NKAPD1: variants seen among roughly 807,000 people sequenced by gnomAD.
The protein encoded by NKAPD1 is uncharacterized protein NKAPD1.
In NKAPD1, 12 loss-of-function variants were observed where a neutral mutation model predicts 30.9. The observed-to-expected ratio is 0.39, with a 90% CI of 0.25 to 0.63. NKAPD1 has a LOEUF of 0.63. Among genes scored for constraint, NKAPD1 ranks in the 20% least tolerant of loss-of-function variants. NKAPD1 has a pLI of 0.51. For synonymous variants in NKAPD1, 91 were observed against 113.6 expected (o/e 0.80, Z 1.26); for missense variants, 311 against 344.5 (o/e 0.90, Z 0.77).
rs1445099122 is a variant in NKAPD1 at position 112,080,741 on chromosome 11, G to T, written c.320+183G>T. 3 of 601,728 alleles carry T rather than the reference G, an allele frequency of 5.0e-6. No homozygotes were observed. The African/African-American group carries it at 5.6e-5, about 11-fold the overall frequency. 37.3% of individuals were successfully genotyped at this position (601,728 alleles called of 1,614,324 possible). A position where few individuals can be genotyped will look rare whatever the true frequency, so the allele number is the denominator to read the frequency against. ...ACTGATGAATGGGTAAACAAAATGCGATATATCCATACAATGGAATATTAT... is the reference window on the plus strand; with the variant it reads ...ACTGATGAATGGGTAAACAAAATGCTATATATCCATACAATGGAATATTAT... On this transcript the variant is annotated intron_variant, in intron 4 of 5. Transcript: ENST00000393047.
intron 3 of NKAPD1, 118 bp from the exon 4 acceptor site, chr11:112,080,290 AC>A: frequency 9.0e-6 from 8 of 888,770 alleles, no homozygotes; most frequent in South Asian, 3.3e-5. Flanking sequence ...TTTTTTTTAA[AC>A]AGTATCATGT....
intron 2 of NKAPD1, among the ~76,000 whole-genome samples, chr11:112,077,384 ATTATT>A (rs779088328): frequency 3.3e-5 from 5 of 152,190 alleles, no homozygotes; most frequent in Admixed American, 6.5e-5. Flanking sequence ...AGCCATACTG[ATTATT>A]TTATTTTATT....
At chr11:112,082,350 G>T (rs966040409) in intron 5 of NKAPD1, 115 bp from the exon 6 acceptor site, 2 of 888,018 alleles carry the variant, frequency 2.3e-6, no homozygotes, top group Non-Finnish European at 3.3e-6. Context: ...ATACATTAAA[G>T]TGCTTATTTA....
In NKAPD1 at chr11:112,075,907, A is replaced by C. The variant is rs148500636; in HGVS notation, c.69+264A>C. 3.8e-3 allele frequency among the ~76,000 whole-genome samples: 582 copies of C among 152,368 alleles called. 2 individuals are homozygous for C. The highest frequency in any genetic ancestry group is 0.013 in the African/African-American group (534 of 41,584). On this transcript the variant is annotated intron_variant, in intron 2 of 5. Transcript: ENST00000393047. The stretch of plus-strand genomic sequence containing the variant: ...AATCTACACTGGGGAATTAGAAAAG[A>C]TTTTACAGAATTAGTGGTATTTCAG...
chr11:112,078,838 C>G (rs1277048584), intron 3 of NKAPD1, among the ~76,000 whole-genome samples: 3 of 152,200 alleles, frequency 2.0e-5, no homozygotes, highest in Non-Finnish European at 4.4e-5. Flanking sequence ...GCATGAGCCA[C>G]TTGCCTGGCC....
intron 5 of NKAPD1, 140 bp from the exon 6 acceptor site, chr11:112,082,325 T>TTA (rs1346299772): frequency 8.9e-6 from 7 of 789,984 alleles, no homozygotes; most frequent in Non-Finnish European, 1.2e-5. Context: ...AATGAGAATA[T>TTA]TAAAGTGTTA....
At position 112,083,199 on chromosome 11, in the gene NKAPD1, AT is replaced by A. The variant is rs1238353082; in HGVS notation, c.*236del. The A allele has an allele frequency of 1.9e-3, 194 of 101,852 alleles. No individual in the cohort carries two copies. Among genetic ancestry groups the A allele is most frequent in the Middle Eastern group, 9.6e-3 (3 of 314 alleles). 6.3% of individuals were successfully genotyped at this position (101,852 alleles called of 1,614,324 possible). On this transcript the variant is annotated 3_prime_UTR_variant, in exon 6 of 6. Coordinates refer to ENST00000393047, the MANE Select transcript of NKAPD1 (RefSeq NM_018195.4). ...GTTATGAAGGTTTCTTGAAGAGATTATTTTTTTTTGCAATTAATTACGTTTA... is the reference window on the plus strand; with the variant it reads ...GTTATGAAGGTTTCTTGAAGAGATTATTTTTTTTGCAATTAATTACGTTTA...
intron 2 of NKAPD1, 57 bp from the exon 3 acceptor site, chr11:112,078,158 C>T: frequency 1.5e-6 from 2 of 1,358,484 alleles, no homozygotes; most frequent in Non-Finnish European, 2.0e-6. Context: ...AGTTACTTTT[C>T]TGTAATGTAA....
chr11:112,078,054 C>T (rs568707610), intron 2 of NKAPD1, among the ~76,000 whole-genome samples, 161 bp from the exon 3 acceptor site: 6 of 152,264 alleles, frequency 3.9e-5, no homozygotes, highest in African/African-American at 1.2e-4. Context: ...CCATGTTGGT[C>T]AGGCTGGTGT....
In NKAPD1 at chr11:112,074,671, C is replaced by T. The variant is rs1419476026; in HGVS notation, c.-254C>T. On this transcript the variant is annotated 5_prime_UTR_variant, in exon 1 of 6. Coordinates refer to ENST00000393047, the MANE Select transcript of NKAPD1 (RefSeq NM_018195.4). Reference sequence around the variant, plus strand: ...TGTCCGAATTCCGCCCCGGCTCAGCCTCCGGCCTCAGTCCGGGAGAGAGAT... The same window carrying T: ...TGTCCGAATTCCGCCCCGGCTCAGCTTCCGGCCTCAGTCCGGGAGAGAGAT... 1 of 395,342 alleles carries T rather than the reference C, an allele frequency of 2.5e-6. No homozygotes were observed. The highest frequency in any genetic ancestry group is 4.5e-6 in the Non-Finnish European group (1 of 224,400). 24.5% of individuals were successfully genotyped at this position (395,342 alleles called of 1,614,324 possible).
Position 112,082,454 on chromosome 11 carries a change from T to C in NKAPD1, c.375-11T>C, listed in dbSNP as rs1865474276. On this transcript the variant is annotated splice_polypyrimidine_tract_variant and intron_variant, in intron 5 of 5. Transcript: ENST00000393047. ...ACATAAAAGCTTCTATTTTTTAACTTTTCTTATTAGTAGTGATCAGCAAGA... is the reference window on the plus strand; with the variant it reads ...ACATAAAAGCTTCTATTTTTTAACTCTTCTTATTAGTAGTGATCAGCAAGA... 6.6e-6 allele frequency: 10 copies of C among 1,510,704 alleles called. No individual in the cohort carries two copies. The highest frequency in any genetic ancestry group is 8.8e-6 in the Non-Finnish European group (10 of 1,132,374). The allele number at this position is 1,510,704 out of a possible 1,614,324, so 93.6% of individuals were successfully genotyped here. A position where few individuals can be genotyped will look rare whatever the true frequency, so the allele number is the denominator to read the frequency against.
In NKAPD1 at chr11:112,084,245, A is replaced by G. The variant is rs927299483; in HGVS notation, c.*1273A>G. 6.6e-6 allele frequency: 1 copy of G among 152,654 alleles called. No individual in the cohort carries two copies. The highest frequency in any genetic ancestry group is 2.4e-5 in the African/African-American group (1 of 41,456). The allele number at this position is 152,654 out of a possible 1,614,324, so 9.5% of individuals were successfully genotyped here. A position where few individuals can be genotyped will look rare whatever the true frequency, so the allele number is the denominator to read the frequency against. ...GTGTAATACGGAATTACTTCACAGT[A>G]GCATGACAGTATAAGACACCAGCAG... is the stretch of plus-strand genomic sequence containing the variant. On this transcript the variant is annotated 3_prime_UTR_variant, in exon 6 of 6. Transcript: ENST00000393047.
intron 2 of NKAPD1, among the ~76,000 whole-genome samples, chr11:112,075,880 A>G (rs970058640): frequency 2.0e-5 from 3 of 151,776 alleles, no homozygotes; most frequent in Non-Finnish European, 4.4e-5. Flanking sequence ...AGGAAATAAT[A>G]AAATCTACAC....
intron 4 of NKAPD1, 122 bp downstream of exon 4, chr11:112,080,680 C>CA: frequency 8.9e-7 from 1 of 1,128,520 alleles, no homozygotes; most frequent in Non-Finnish European, 1.2e-6. Context: ...ATAATGGCCC[C>CA]AAAAAATAAT....
rs905842970 is a variant in NKAPD1, at chr11:112,083,891, T to C, written c.*919T>C. 6.6e-6 allele frequency: 1 copy of C among 152,622 alleles called. No homozygotes were observed. 9.5% of individuals were successfully genotyped at this position (152,622 alleles called of 1,614,324 possible). On this transcript the variant is annotated 3_prime_UTR_variant, in exon 6 of 6. Coordinates refer to ENST00000393047, the MANE Select transcript of NKAPD1 (RefSeq NM_018195.4). ...GAATTATTTCCAAAATGAAACAGGC[T>C]TCTCAGGGACATATCCACTTCTTCC...
chr11:112,075,904 AAGATTTTAC>A, intron 2 of NKAPD1, among the ~76,000 whole-genome samples: 1 of 152,356 alleles, frequency 6.6e-6, no homozygotes, highest in Non-Finnish European at 1.5e-5. Context: ...GGAATTAGAA[AAGATTTTAC>A]AGAATTAGTG....
chr11:112,082,419 C>CTT (rs201212932), intron 5 of NKAPD1, 46 bp from the exon 6 acceptor site: 26 of 1,378,956 alleles, frequency 1.9e-5, no homozygotes, highest in African/African-American at 4.5e-5. Context: ...AAATAATACG[C>CTT]TTTTTTTTTA....
In NKAPD1 at chr11:112,076,905, A is replaced by G. The variant is rs141437980; in HGVS notation, c.69+1262A>G. 1.3e-3 allele frequency among the ~76,000 whole-genome samples: 199 copies of G among 152,342 alleles called. 1 individual carries two copies. Among genetic ancestry groups the G allele is most frequent in the African/African-American group, 4.3e-3 (180 of 41,576 alleles). ...GGAAAGGTAATTAGTTTGGTTTTCA[A>G]CATGTTGATGGTGAGGTGCTTATAG... On this transcript the variant is annotated intron_variant, in intron 2 of 5. Transcript: ENST00000393047.
chr11:112,079,232 G>T (rs774672030), intron 3 of NKAPD1, among the ~76,000 whole-genome samples: 19 of 138,162 alleles, frequency 1.4e-4, no homozygotes, highest in Admixed American at 2.5e-4. Flanking sequence ...TGCAACCTCC[G>T]CCTCCTGGAT....
Sources: allele counts gnomAD v4.1 joint callset (sites outside exome capture counted in the v4.1 genomes callset), GRCh38; gene constraint gnomAD v4.1.1; transcripts MANE v1.5; gene names NCBI Gene and HGNC (gene_info 2026-07-23, HGNC 2026-07-21).